The following CDK5RAP2 variants were observed in gnomAD, a reference collection of about 807,000 sequenced individuals.
The protein encoded by CDK5RAP2 is CDK5 regulatory subunit associated protein 2, also known as CDK5 regulatory subunit-associated protein 2.
A neutral mutation model predicts 232.9 loss-of-function variants in CDK5RAP2; 147 were observed. That is an observed-to-expected ratio of 0.63 (90% CI 0.55 to 0.72). The LOEUF (loss-of-function observed/expected upper bound fraction) is 0.72, where lower values mean the gene tolerates loss of function less well. Ranked by LOEUF, CDK5RAP2 falls within the 30% of genes least tolerant of loss-of-function variation. CDK5RAP2 has a pLI of 0.00. For missense variants in CDK5RAP2, 2,195 were observed against 2,231.5 expected (o/e 0.98, Z 0.33); for synonymous variants, 833 against 833.7 (o/e 1.00, Z 0.01).
At chr9:120,519,397 T>C (rs1588549505) in intron 11 of CDK5RAP2, among the ~76,000 whole-genome samples, 1 of 151,974 alleles carries the variant, frequency 6.6e-6, no homozygotes, top group African/African-American at 2.4e-5. Context: ...GTGAAAGTTG[T>C]CAGAATCAGA....
intron 19 of CDK5RAP2, among the ~76,000 whole-genome samples, chr9:120,460,190 T>A (rs2037005830): frequency 1.3e-5 from 2 of 152,184 alleles, no homozygotes; most frequent in South Asian, 4.1e-4. Flanking sequence ...AGGGTTCTTA[T>A]CCCAACTCTA....
chr9:120,415,126 G>T lies in CDK5RAP2; in HGVS notation c.4211C>A (p.Thr1404Asn), dbSNP rs886063394. ...LLMEHIQEIR[T>N]LRKRLEESIK... ...AGATTCTTCTAAACGCTTTCTCAAA[G>T]TTCGAATTTCCTGTATGTGTTCCAT... The change falls in exon 28 of 38, where the codon ACT (threonine) becomes AAT (asparagine). Residue 1404 changes from threonine to asparagine, a missense_variant. Transcript: ENST00000349780. The T allele has an allele frequency of 8.7e-6, 14 of 1,614,012 alleles. No homozygotes were observed. The highest frequency in any genetic ancestry group is 1.2e-5 in the Non-Finnish European group (14 of 1,179,968).
intron 3 of CDK5RAP2, among the ~76,000 whole-genome samples, chr9:120,559,461 T>C: frequency 7.9e-6 from 1 of 126,762 alleles, no homozygotes; most frequent in African/African-American, 3.1e-5. Context: ...CACTCCAGCC[T>C]GGGCAACACA....
chr9:120,495,677 G>A (rs2039163635), intron 12 of CDK5RAP2, among the ~76,000 whole-genome samples: 3 of 96,376 alleles, frequency 3.1e-5, no homozygotes, highest in Admixed American at 8.6e-5. Flanking sequence ...CCCCCGCCCG[G>A]CCAGCCGCCC....
At chr9:120,528,825 G>C in intron 8 of CDK5RAP2, 28 bp from the exon 9 acceptor site, 1 of 1,545,898 alleles carries the variant, frequency 6.5e-7, no homozygotes, top group Non-Finnish European at 8.9e-7. Flanking sequence ...TTGGTGTGAA[G>C]AAGGGACGTG....
At chr9:120,546,608 A>C (rs544035500) in intron 4 of CDK5RAP2, among the ~76,000 whole-genome samples, 121 of 152,164 alleles carry the variant, frequency 8.0e-4, no homozygotes, top group African/African-American at 2.9e-3. Context: ...TTTATTGGAA[A>C]TCTCCCTTTT....
rs1024775516 is a variant in CDK5RAP2 at position 120,539,523 on chromosome 9, A to G, written c.384-359T>C. On this transcript the variant is annotated intron_variant, in intron 5 of 37. Transcript: ENST00000349780. The stretch of plus-strand genomic sequence containing the variant: ...CTATATCATCATTTTTAAAGGCTGC[A>G]TATTAATTCAATGTATGAAATGTAC... Among the ~76,000 whole-genome samples, 3 of 152,262 alleles carry G rather than the reference A, an allele frequency of 2.0e-5. No individual in the cohort carries two copies. The East Asian group carries it at 5.8e-4, about 29-fold the overall frequency.
At chr9:120,576,658 C>T (rs1341001283) in intron 1 of CDK5RAP2, among the ~76,000 whole-genome samples, 2 of 152,000 alleles carry the variant, frequency 1.3e-5, no homozygotes, top group South Asian at 2.1e-4. Context: ...GCCGAAATTG[C>T]GCCACTGCAC....
intron 3 of CDK5RAP2, among the ~76,000 whole-genome samples, chr9:120,554,045 T>C (rs1021823538): frequency 4.6e-5 from 7 of 152,236 alleles, no homozygotes; most frequent in Admixed American, 2.6e-4. Context: ...TAGAATATGA[T>C]AGAACCATAA....
In CDK5RAP2 at chr9:120,422,634, C is replaced by T. The variant is rs1588292003; in HGVS notation, c.4004+59G>A. The stretch of plus-strand genomic sequence containing the variant: ...GGAGCCAAAATATTTTAAAAGCTGG[C>T]AGGTAAATCAGACCTAGAAAGTCCT... On this transcript the variant is annotated intron_variant, in intron 26 of 37. Coordinates refer to ENST00000349780, the MANE Select transcript of CDK5RAP2 (RefSeq NM_018249.6). The T allele has an allele frequency of 7.1e-6, 9 of 1,273,442 alleles. No homozygotes were observed. The East Asian group carries it at 1.8e-4, about 26-fold the overall frequency. 78.9% of individuals were successfully genotyped at this position (1,273,442 alleles called of 1,614,324 possible).
chr9:120,559,835 G>A (rs937124288), intron 3 of CDK5RAP2, among the ~76,000 whole-genome samples: 18 of 152,100 alleles, frequency 1.2e-4, no homozygotes, highest in Admixed American at 2.6e-4. Context: ...CCAGCTTAGC[G>A]GCAGGAAAAA....
chr9:120,497,433 A>T (rs1296898853), intron 12 of CDK5RAP2, among the ~76,000 whole-genome samples: 1 of 65,726 alleles, frequency 1.5e-5, no homozygotes, highest in African/African-American at 9.7e-5. Flanking sequence ...AAAAAAAAAA[A>T]AAAAAAAAAA....
chr9:120,511,081 G>A (rs765249209), intron 12 of CDK5RAP2, among the ~76,000 whole-genome samples: 10 of 152,276 alleles, frequency 6.6e-5, no homozygotes, highest in African/African-American at 1.2e-4. Flanking sequence ...CTCAGTGTTC[G>A]TGCACAATGA....
intron 12 of CDK5RAP2, among the ~76,000 whole-genome samples, chr9:120,492,171 T>C (rs934312511): frequency 3.3e-5 from 5 of 152,266 alleles, no homozygotes; most frequent in African/African-American, 1.2e-4. Flanking sequence ...GCACTATTCA[T>C]AATAGCAAAA....
chr9:120,512,185 C>T (rs1051972348), intron 12 of CDK5RAP2, among the ~76,000 whole-genome samples: 16 of 152,110 alleles, frequency 1.1e-4, no homozygotes, highest in Non-Finnish European at 2.2e-4. Flanking sequence ...CCTTTCTCTA[C>T]AAAAATTTAA....
rs748889605 is a variant in CDK5RAP2 at position 120,402,992 on chromosome 9, C to T, written c.5121G>A (p.Pro1707=). 147 of 1,614,062 alleles carry T rather than the reference C, an allele frequency of 9.1e-5. No individual in the cohort carries two copies. Among genetic ancestry groups the T allele is most frequent in the Middle Eastern group, 4.9e-4 (3 of 6,084 alleles). ...CDSGSSATST[P]CVSRLVTGHH... ...GGCCAGTGACCAGGCGGGACACACACGGAGTGCTAGTTGCCGAACTGCCAC... is the reference window on the plus strand; with the variant it reads ...GGCCAGTGACCAGGCGGGACACACATGGAGTGCTAGTTGCCGAACTGCCAC... The change falls in exon 34 of 38, where the codon CCG becomes CCA. Residue 1707 remains proline, a synonymous_variant. Transcript: ENST00000349780.
At chr9:120,577,360 CAAA>C (rs34908774) in intron 1 of CDK5RAP2, among the ~76,000 whole-genome samples, 45 of 125,296 alleles carry the variant, frequency 3.6e-4, no homozygotes, top group Non-Finnish European at 3.6e-4. Flanking sequence ...GACCCTGTCT[CAAA>C]AAAAAAAAAA....
chr9:120,425,048 G>T (rs1196281437), intron 25 of CDK5RAP2, among the ~76,000 whole-genome samples: 1 of 152,016 alleles, frequency 6.6e-6, no homozygotes, highest in Non-Finnish European at 1.5e-5. Flanking sequence ...TTCACAGGGT[G>T]GGGACCCTTG....
Position 120,439,482 on chromosome 9 carries a change from C to A in CDK5RAP2, c.3639G>T (p.Leu1213=). 1 of 1,614,224 alleles carries A rather than the reference C, an allele frequency of 6.2e-7. No individual in the cohort carries two copies. Among genetic ancestry groups the A allele is most frequent in the South Asian group, 1.1e-5 (1 of 91,084 alleles). The change falls in exon 24 of 38, where the codon CTG becomes CTT. Residue 1213 remains leucine (L), a synonymous_variant. Transcript: ENST00000349780. The stretch of plus-strand genomic sequence containing the variant: ...GCATGTTCAAATTCTGCTCCTTCTG[C>A]AGCTTGTATTCCTGTTCCTCCAGCT... ...KQQLEEQEYK[L]QKEQNLNMQL...
Sources: gnomAD v4.1 joint callset for allele counts (sites outside exome capture counted in the v4.1 genomes callset) on GRCh38, gnomAD v4.1.1 for gene constraint, MANE v1.5 for transcripts, NCBI Gene and HGNC (gene_info 2026-07-23, HGNC 2026-07-21) for gene names.